Variants in MARCHF3 observed in about 807,000 individuals in gnomAD.
MARCHF3 encodes E3 ubiquitin-protein ligase MARCHF3.
In MARCHF3, 13 loss-of-function variants were observed where a neutral mutation model predicts 24.2. That is an observed-to-expected ratio of 0.54 (90% CI 0.35 to 0.85). The LOEUF is 0.85. Among genes scored for constraint, MARCHF3 ranks in the 40% least tolerant of loss-of-function variants. MARCHF3 has a pLI of 0.01. For synonymous variants in MARCHF3, 144 were observed against 137.3 expected, an observed-to-expected ratio of 1.05 and a Z score of -0.34; for missense variants, 276 against 325.0, an observed-to-expected ratio of 0.85 and a Z score of 1.16.
intron 1 of MARCHF3, among the ~76,000 whole-genome samples, chr5:126,955,839 C>A (rs1446409157): frequency 6.6e-6 from 1 of 152,144 alleles, no homozygotes; most frequent in East Asian, 1.9e-4. Flanking sequence ...ATGAATTGTC[C>A]TTTTTTGTGT....
intron 1 of MARCHF3, among the ~76,000 whole-genome samples, chr5:126,967,081 A>G (rs904469267): frequency 6.6e-6 from 1 of 150,690 alleles, no homozygotes; most frequent in Non-Finnish European, 1.5e-5. Flanking sequence ...CTAGGAGTAT[A>G]CACTCCTATT....
intron 3 of MARCHF3, among the ~76,000 whole-genome samples, chr5:126,907,998 T>C (rs1754364881): frequency 6.6e-6 from 1 of 152,196 alleles, no homozygotes; most frequent in Non-Finnish European, 1.5e-5. Flanking sequence ...CTTCAGGAGC[T>C]CTTTTAGGGC....
In MARCHF3 at chr5:126,985,603, GGAC is replaced by G. The variant is rs1561459947; in HGVS notation, c.-57+44744_-57+44746del. ...CCCTGCCTCACCTCCCGAATAGCTG[GGAC>G]TACAGGCGCCCGCCACCACGCCTGG... On this transcript the variant is annotated intron_variant, in intron 1 of 4. Coordinates refer to ENST00000308660, the MANE Select transcript of MARCHF3 (RefSeq NM_178450.5). Among the ~76,000 whole-genome samples, 4 of 151,714 alleles carry G rather than the reference GGAC, an allele frequency of 2.6e-5. No individual in the cohort carries two copies. In the East Asian group the frequency reaches 7.7e-4, roughly 29 times the overall value.
At chr5:126,897,056 TGAGATGGAGTTTCAC>T (rs1561783315) in intron 3 of MARCHF3, among the ~76,000 whole-genome samples, 2 of 148,910 alleles carry the variant, frequency 1.3e-5, no homozygotes, top group Non-Finnish European at 1.5e-5. Context: ...TTTTTTTTTT[TGAGATGGAGTTTCAC>T]TTTTGTTGCC....
At chr5:126,912,960 T>C (rs1022608508) in intron 3 of MARCHF3, among the ~76,000 whole-genome samples, 3 of 152,232 alleles carry the variant, frequency 2.0e-5, no homozygotes, top group African/African-American at 7.2e-5. Context: ...CCCTAAATCT[T>C]GTAGAGCACC....
intron 4 of MARCHF3, among the ~76,000 whole-genome samples, chr5:126,873,518 A>C (rs1398273313): frequency 6.6e-6 from 1 of 152,054 alleles, no homozygotes; most frequent in Non-Finnish European, 1.5e-5. Flanking sequence ...GGAGCTTGTT[A>C]GAATATCAGA....
At chr5:126,969,790 C>T (rs1750937761) in intron 1 of MARCHF3, among the ~76,000 whole-genome samples, 1 of 152,156 alleles carries the variant, frequency 6.6e-6, no homozygotes, top group Non-Finnish European at 1.5e-5. Context: ...CTACAGGAGG[C>T]TGGGGTGGGG....
intron 1 of MARCHF3, among the ~76,000 whole-genome samples, chr5:127,015,833 A>C (rs546836595): frequency 1.9e-4 from 29 of 152,320 alleles, no homozygotes; most frequent in Non-Finnish European, 4.0e-4. Context: ...CAAAGAATTC[A>C]TAAGTTTTAA....
At chr5:126,972,870 C>A (rs1294810622) in intron 1 of MARCHF3, among the ~76,000 whole-genome samples, 1 of 152,198 alleles carries the variant, frequency 6.6e-6, no homozygotes, top group East Asian at 1.9e-4. Context: ...CAAATACACT[C>A]CAGCAATGGA....
At chr5:126,871,871 A>G (rs1402468896) in intron 4 of MARCHF3, among the ~76,000 whole-genome samples, 1 of 150,224 alleles carries the variant, frequency 6.7e-6, no homozygotes, top group Non-Finnish European at 1.5e-5. Context: ...CATGCCTGGC[A>G]AATTTTTGTG....
chr5:126,929,036 T>A (rs1749392000), intron 1 of MARCHF3, among the ~76,000 whole-genome samples: 1 of 152,240 alleles, frequency 6.6e-6, no homozygotes, highest in Non-Finnish European at 1.5e-5. Context: ...GGTTGGTTTG[T>A]TTAAATGGCC....
At chr5:126,983,483 T>C (rs190042695) in intron 1 of MARCHF3, among the ~76,000 whole-genome samples, 1 of 152,118 alleles carries the variant, frequency 6.6e-6, no homozygotes, top group African/African-American at 2.4e-5. Flanking sequence ...AGGGCAGGGA[T>C]CTAAATATGG....
chr5:127,007,219 A>C (rs1334938091), intron 1 of MARCHF3, among the ~76,000 whole-genome samples: 1 of 152,028 alleles, frequency 6.6e-6, no homozygotes, highest in Non-Finnish European at 1.5e-5. Context: ...TTCCTTCCAC[A>C]GCATTTTTCT....
chr5:126,876,651 G>A (rs1412333524), intron 4 of MARCHF3, among the ~76,000 whole-genome samples: 2 of 151,864 alleles, frequency 1.3e-5, no homozygotes, highest in Non-Finnish European at 2.9e-5. Flanking sequence ...CTTTGGAAGC[G>A]TAGACTTTTT....
In MARCHF3 at chr5:126,869,510, C is replaced by T. The variant is rs559915080; in HGVS notation, c.*1123G>A. On this transcript the variant is annotated 3_prime_UTR_variant, in exon 5 of 5. Coordinates refer to ENST00000308660, the MANE Select transcript of MARCHF3 (RefSeq NM_178450.5). Reference sequence around the variant, plus strand: ...GAATTGGCTCATGGTTGGGGGAAGGCACTGTGTGGGGCTCCTTTTTAAAGA... The same window carrying T: ...GAATTGGCTCATGGTTGGGGGAAGGTACTGTGTGGGGCTCCTTTTTAAAGA... 5 of 149,514 alleles carry T rather than the reference C, an allele frequency of 3.3e-5. No homozygotes were observed. Among genetic ancestry groups the T allele is most frequent in the Non-Finnish European group, 7.4e-5 (5 of 67,756 alleles). The allele number at this position is 149,514 out of a possible 1,614,324, so 9.3% of individuals were successfully genotyped here. A position where few individuals can be genotyped will look rare whatever the true frequency, so the allele number is the denominator to read the frequency against.
chr5:126,989,526 T>C (rs902106212), intron 1 of MARCHF3, among the ~76,000 whole-genome samples: 1 of 152,066 alleles, frequency 6.6e-6, no homozygotes, highest in Non-Finnish European at 1.5e-5. Context: ...ATGAATCTTG[T>C]TCGTGTCTAA....
At chr5:126,931,618 A>G (rs1749483063) in intron 1 of MARCHF3, among the ~76,000 whole-genome samples, 1 of 150,960 alleles carries the variant, frequency 6.6e-6, no homozygotes, top group Admixed American at 6.6e-5. Flanking sequence ...CACAGGCTCT[A>G]TAGAAGGCCA....
chr5:126,981,993 C>T (rs183758037), intron 1 of MARCHF3, among the ~76,000 whole-genome samples: 3 of 152,292 alleles, frequency 2.0e-5, no homozygotes, highest in South Asian at 4.1e-4. Flanking sequence ...TTAACACCTT[C>T]CTTTCCTTTA....
At chr5:126,906,294 C>G (rs112307463) in intron 3 of MARCHF3, among the ~76,000 whole-genome samples, 1 of 152,172 alleles carries the variant, frequency 6.6e-6, no homozygotes, top group African/African-American at 2.4e-5. Flanking sequence ...GGTTGTGTCT[C>G]TGTCAGGCTT....
Sources: allele counts gnomAD v4.1 joint callset (sites outside exome capture counted in the v4.1 genomes callset), GRCh38; gene constraint gnomAD v4.1.1; transcripts MANE v1.5; gene names NCBI Gene and HGNC (gene_info 2026-07-23, HGNC 2026-07-21).